Variants in GAR1 observed in about 807,000 individuals in gnomAD.
The protein encoded by GAR1 is GAR1 ribonucleoprotein.
A neutral mutation model predicts 29.3 loss-of-function variants in GAR1; 11 were observed. That is an observed-to-expected ratio of 0.38 (90% CI 0.24 to 0.62). GAR1 has a LOEUF of 0.62. Ranked by LOEUF, GAR1 falls within the 20% of genes least tolerant of loss-of-function variation. The pLI is 0.62. For missense variants in GAR1, 237 were observed against 268.4 expected, an observed-to-expected ratio of 0.88 and a Z score of 0.82; for synonymous variants, 87 against 93.3, an observed-to-expected ratio of 0.93 and a Z score of 0.39.
At chr4:109,823,348 AT>A (rs890013408) in intron 5 of GAR1, among the ~76,000 whole-genome samples, 16 of 152,086 alleles carry the variant, frequency 1.1e-4, no homozygotes, top group African/African-American at 3.6e-4. Context: ...CCATAAAGGT[AT>A]TTTTTTGTGT....
In GAR1 at chr4:109,820,829, A is replaced by G. The variant is rs1733494093; in HGVS notation, c.430-1518A>G. Among the ~76,000 whole-genome samples, 3 of 152,138 alleles carry G rather than the reference A, an allele frequency of 2.0e-5. No homozygotes were observed. The South Asian group carries it at 6.2e-4, about 32-fold the overall frequency. ...GTTGTAGAAACCTTGGCAAGTACTCAGGGGATTGACTGCTTCTGGCGTGCC... is the reference window on the plus strand; with the variant it reads ...GTTGTAGAAACCTTGGCAAGTACTCGGGGGATTGACTGCTTCTGGCGTGCC... On this transcript the variant is annotated intron_variant, in intron 4 of 6. Transcript: ENST00000226796.
chr4:109,818,050 T>C lies in GAR1; in HGVS notation c.329T>C (p.Ile110Thr). 1.2e-6 allele frequency: 2 copies of C among 1,606,792 alleles called. No individual in the cohort carries two copies. The highest frequency in any genetic ancestry group is 1.7e-6 in the Non-Finnish European group (2 of 1,176,978). Reference protein sequence around the residue: ...APVYLENKEQIGKVDEIFGQL... With the variant: ...APVYLENKEQTGKVDEIFGQL... ...GTTTACTTAGAAAACAAAGAACAAA[T>C]TGGAAAAGTGGATGAAATATTTGGA... The change falls in exon 3 of 7, where the codon ATT becomes ACT. Residue 110 changes from isoleucine (I) to threonine (T), a missense_variant. By Grantham distance (89) the Ile-to-Thr change is moderately conservative. Transcript: ENST00000226796.
In GAR1 at chr4:109,824,399, T is replaced by G. The variant is rs748976684; in HGVS notation, c.641-19T>G. 5 of 1,562,822 alleles carry G rather than the reference T, an allele frequency of 3.2e-6. No homozygotes were observed. The South Asian group carries it at 3.3e-5, about 10-fold the overall frequency. ...ATCCATTTTCTGTGCCCTTAATACT[T>G]TAATTTTCTCTTAATCAGGGAGAGG... On this transcript the variant is annotated intron_variant, in intron 6 of 6. Coordinates refer to ENST00000226796, the MANE Select transcript of GAR1 (RefSeq NM_018983.4).
chr4:109,819,202 A>AT, intron 4 of GAR1, 142 bp downstream of exon 4: 2 of 703,168 alleles, frequency 2.8e-6, no homozygotes, highest in Non-Finnish European at 5.2e-6. Context: ...TGCTATAAAT[A>AT]TTGAACACAC....
intron 3 of GAR1, 95 bp from the exon 4 acceptor site, chr4:109,818,906 A>T (rs1733428434): frequency 1.5e-6 from 1 of 683,160 alleles, no homozygotes; most frequent in Non-Finnish European, 2.6e-6. Flanking sequence ...ATATCCATAC[A>T]TTCTAACCTT....
chr4:109,817,788 C>T (rs1560579305), intron 2 of GAR1, 148 bp from the exon 3 acceptor site: 2 of 603,428 alleles, frequency 3.3e-6, no homozygotes, highest in Non-Finnish European at 5.7e-6. Context: ...GTATACCAGC[C>T]CAGGAAGTCC....
chr4:109,823,498 A>C (rs1423191469), intron 5 of GAR1, among the ~76,000 whole-genome samples: 1 of 152,116 alleles, frequency 6.6e-6, no homozygotes, highest in Non-Finnish European at 1.5e-5. Flanking sequence ...AATCTTACTT[A>C]TGTAGCTCAG....
Position 109,816,171 on chromosome 4 carries a change from T to C in GAR1, c.7T>C (p.Phe3Leu), listed in dbSNP as rs1157260387. ...TCATCAGGGAGGAGAGAGAATGTCT[T>C]TTCGAGGCGGAGGTCGTGGAGGCTT... MS[F>L]RGGGRGGFNR... The change falls in exon 2 of 7, where the codon TTT (phenylalanine) becomes CTT (leucine). Residue 3 changes from phenylalanine to leucine, a missense_variant. Phe to Leu is a conservative substitution (Grantham distance 22, BLOSUM62 0). Coordinates refer to ENST00000226796, the MANE Select transcript of GAR1 (RefSeq NM_018983.4). The C allele has an allele frequency of 1.9e-6, 3 of 1,612,148 alleles. No individual in the cohort carries two copies. Among genetic ancestry groups the C allele is most frequent in the Non-Finnish European group, 2.5e-6 (3 of 1,179,938 alleles).
At position 109,815,968 on chromosome 4, in the gene GAR1, T is replaced by G; in HGVS notation, c.-13+164T>G. 7.6e-6 allele frequency: 5 copies of G among 662,216 alleles called. No homozygotes were observed. The South Asian group carries it at 9.0e-5, about 12-fold the overall frequency. 41.0% of individuals were successfully genotyped at this position (662,216 alleles called of 1,614,324 possible). On this transcript the variant is annotated intron_variant, in intron 1 of 6. Coordinates refer to ENST00000226796, the MANE Select transcript of GAR1 (RefSeq NM_018983.4). Reference sequence around the variant, plus strand: ...AGGGTGGTGTGTGGTCGGTCGGCGCTCACGAGACCATGGAGAAGTAAACTC... The same window carrying G: ...AGGGTGGTGTGTGGTCGGTCGGCGCGCACGAGACCATGGAGAAGTAAACTC...
chr4:109,823,678 G>A (rs753464761), intron 5 of GAR1, among the ~76,000 whole-genome samples: 4 of 152,116 alleles, frequency 2.6e-5, no homozygotes, highest in Admixed American at 6.5e-5. Context: ...CATTTAACAA[G>A]ACTGAATCAT....
intron 6 of GAR1, 37 bp downstream of exon 6, chr4:109,824,070 T>C: frequency 7.6e-7 from 1 of 1,311,338 alleles, no homozygotes; most frequent in African/African-American, 1.5e-5. Context: ...TGCTTAATGT[T>C]TAAAATTGAT....
chr4:109,816,495 G>C (rs907230498), intron 2 of GAR1, 117 bp downstream of exon 2: 2 of 962,228 alleles, frequency 2.1e-6, no homozygotes, highest in Non-Finnish European at 3.2e-6. Flanking sequence ...GCATGTAAGG[G>C]TGGAGTGGGG....
intron 5 of GAR1, among the ~76,000 whole-genome samples, chr4:109,822,972 A>G (rs1007200661): frequency 1.3e-5 from 2 of 152,232 alleles, no homozygotes; most frequent in African/African-American, 2.4e-5. Context: ...ATTAAAATGC[A>G]TATCTTCTGA....
chr4:109,822,155 T>TAAAAAAAAAAAAAAAAAAAAAAAAAAA (rs59097048), intron 4 of GAR1, among the ~76,000 whole-genome samples, 192 bp from the exon 5 acceptor site: 1 of 101,640 alleles, frequency 9.8e-6, no homozygotes, highest in African/African-American at 3.7e-5. Context: ...GAACTTAAGG[T>TAAAAAAAAAAAAAAAAAAAAAAAAAAA]AAAAAAAAAA....
At chr4:109,824,058 A>C (rs776878180) in intron 6 of GAR1, 25 bp downstream of exon 6, 102 of 1,444,434 alleles carry the variant, frequency 7.1e-5, no homozygotes, top group Non-Finnish European at 9.6e-5. Flanking sequence ...AAGTCTTTAA[A>C]TTGCTTAATG....
In GAR1 at chr4:109,819,075, T is replaced by A. The variant is rs201404073; in HGVS notation, c.429+15T>A. 380 of 1,393,054 alleles carry A rather than the reference T, an allele frequency of 2.7e-4. 6 individuals carry two copies. The East Asian group carries it at 8.6e-3, about 32-fold the overall frequency. 86.3% of individuals were successfully genotyped at this position (1,393,054 alleles called of 1,614,324 possible). A position where few individuals can be genotyped will look rare whatever the true frequency, so the allele number is the denominator to read the frequency against. ...AACTACAGAAGGTGAGTCAAACTTA[T>A]GATACTTGGGATCCTTGGTTTTATA... is the stretch of plus-strand genomic sequence containing the variant. On this transcript the variant is annotated intron_variant, in intron 4 of 6. Transcript: ENST00000226796.
rs1353957965 is a variant in GAR1, at chr4:109,824,646, T to C, written c.*215T>C. ...CAAGTCTTTCTAATGTTTTGTACAGTGCCTGGCACTCTGTGGGTGCTCAAT... is the reference window on the plus strand; with the variant it reads ...CAAGTCTTTCTAATGTTTTGTACAGCGCCTGGCACTCTGTGGGTGCTCAAT... On this transcript the variant is annotated 3_prime_UTR_variant, in exon 7 of 7. Coordinates refer to ENST00000226796, the MANE Select transcript of GAR1 (RefSeq NM_018983.4). 1 of 457,828 alleles carries C rather than the reference T, an allele frequency of 2.2e-6. No individual in the cohort carries two copies. Among genetic ancestry groups the C allele is most frequent in the Non-Finnish European group, 3.9e-6 (1 of 254,196 alleles). 28.4% of individuals were successfully genotyped at this position (457,828 alleles called of 1,614,324 possible).
intron 5 of GAR1, 88 bp downstream of exon 5, chr4:109,822,576 A>G: frequency 7.3e-7 from 1 of 1,367,932 alleles, no homozygotes; most frequent in Non-Finnish European, 9.6e-7. Flanking sequence ...GTACATAGCA[A>G]ACCTCCCTTA....
intron 5 of GAR1, among the ~76,000 whole-genome samples, chr4:109,823,293 G>T (rs1182827337): frequency 6.6e-6 from 1 of 152,090 alleles, no homozygotes; most frequent in Non-Finnish European, 1.5e-5. Context: ...AAAAGAGAAG[G>T]AACGCCTCAC....
Sources: allele counts gnomAD v4.1 joint callset (sites outside exome capture counted in the v4.1 genomes callset), GRCh38; gene constraint gnomAD v4.1.1; transcripts MANE v1.5; gene names NCBI Gene and HGNC (gene_info 2026-07-23, HGNC 2026-07-21).